CSMD3: variants seen among roughly 807,000 people sequenced by gnomAD.
CSMD3 encodes the protein CUB and sushi domain-containing protein 3.
A neutral mutation model predicts 435.2 loss-of-function variants in CSMD3; 177 were observed. The observed-to-expected ratio is 0.41, with a 90% confidence interval of 0.36 to 0.46. CSMD3 has a LOEUF of 0.46. CSMD3 is among the 20% of genes least tolerant of loss of function. The pLI is 0.34. For synonymous variants in CSMD3, 1,656 were observed against 1,520.5 expected, an observed-to-expected ratio of 1.09 and a Z score of -2.07; for missense variants, 4,265 against 4,504.6, an observed-to-expected ratio of 0.95 and a Z score of 1.52.
intron 4 of CSMD3, among the ~76,000 whole-genome samples, chr8:113,146,684 G>A (rs1009188198): frequency 1.3e-5 from 2 of 151,686 alleles, no homozygotes; most frequent in African/African-American, 4.8e-5. Context: ...GGCTGGAAAA[G>A]AAGATCTGGC....
At chr8:112,456,252 G>T (rs1816832700) in intron 32 of CSMD3, among the ~76,000 whole-genome samples, 2 of 152,044 alleles carry the variant, frequency 1.3e-5, no homozygotes, top group African/African-American at 4.8e-5. Flanking sequence ...TTTCAAACAG[G>T]AAATCCACAG....
chr8:112,372,080 A>T (rs533175012), intron 38 of CSMD3, among the ~76,000 whole-genome samples: 1 of 152,198 alleles, frequency 6.6e-6, no homozygotes, highest in South Asian at 2.1e-4. Flanking sequence ...GGGATAAAAA[A>T]GTTCACAAAT....
chr8:113,253,846 A>AG (rs1441557397), intron 3 of CSMD3, among the ~76,000 whole-genome samples: 1 of 151,638 alleles, frequency 6.6e-6, no homozygotes, highest in East Asian at 1.9e-4. Context: ...TGAAAAAAAA[A>AG]AAAAAAGAAA....
At chr8:113,272,504 T>C (rs940392400) in intron 3 of CSMD3, among the ~76,000 whole-genome samples, 1 of 152,328 alleles carries the variant, frequency 6.6e-6, no homozygotes, top group South Asian at 2.1e-4. Context: ...GCCAGCACCA[T>C]GTAAGAAGTG....
intron 16 of CSMD3, among the ~76,000 whole-genome samples, chr8:112,668,927 G>A (rs918287961): frequency 8.6e-5 from 13 of 150,784 alleles, no homozygotes; most frequent in Admixed American, 8.6e-4. Flanking sequence ...GAGGCTAAAT[G>A]TAGAAAAACA....
chr8:112,588,875 T>C (rs770919659), intron 22 of CSMD3, among the ~76,000 whole-genome samples: 2 of 152,150 alleles, frequency 1.3e-5, no homozygotes, highest in Non-Finnish European at 2.9e-5. Context: ...GGAAATCATT[T>C]ACATTTTAAT....
At chr8:112,246,327 C>G (rs1340327118) in intron 64 of CSMD3, among the ~76,000 whole-genome samples, 1 of 152,156 alleles carries the variant, frequency 6.6e-6, no homozygotes, top group Non-Finnish European at 1.5e-5. Context: ...AGTGTTTCCA[C>G]TCCAGCTTAC....
intron 1 of CSMD3, among the ~76,000 whole-genome samples, chr8:113,364,690 A>G (rs1030852242): frequency 3.9e-5 from 6 of 152,076 alleles, no homozygotes; most frequent in Admixed American, 3.9e-4. Flanking sequence ...TATACATGAG[A>G]TCTAAAATTT....
intron 16 of CSMD3, among the ~76,000 whole-genome samples, chr8:112,676,636 G>T (rs1323872604): frequency 6.6e-6 from 1 of 151,986 alleles, no homozygotes; most frequent in Non-Finnish European, 1.5e-5. Flanking sequence ...ATCTACATGA[G>T]TATAGTTCAG....
intron 27 of CSMD3, among the ~76,000 whole-genome samples, chr8:112,518,112 T>A (rs1823873027): frequency 6.6e-6 from 1 of 152,208 alleles, no homozygotes; most frequent in African/African-American, 2.4e-5. Context: ...ATGACTTGGA[T>A]GAATTTGAAG....
At chr8:113,031,418 G>T (rs1051391425) in intron 5 of CSMD3, among the ~76,000 whole-genome samples, 1 of 151,568 alleles carries the variant, frequency 6.6e-6, no homozygotes, top group African/African-American at 2.4e-5. Context: ...AATCTCAAAA[G>T]TTACAGATTA....
At chr8:113,247,106 A>G (rs1197956052) in intron 3 of CSMD3, among the ~76,000 whole-genome samples, 2 of 152,200 alleles carry the variant, frequency 1.3e-5, no homozygotes, top group Admixed American at 6.5e-5. Flanking sequence ...AAAGTTTCCT[A>G]TGTCTATCTC....
chr8:112,813,978 G>A (rs555426848), intron 12 of CSMD3, among the ~76,000 whole-genome samples: 49 of 152,334 alleles, frequency 3.2e-4, no homozygotes, highest in African/African-American at 1.1e-3. Context: ...GCACAAGCCA[G>A]TTGGAAATGC....
chr8:113,410,295 A>G (rs1351982554), intron 1 of CSMD3, among the ~76,000 whole-genome samples: 1 of 152,178 alleles, frequency 6.6e-6, no homozygotes, highest in Non-Finnish European at 1.5e-5. Flanking sequence ...CTGTGTGTCT[A>G]CCTTTTCTTA....
intron 32 of CSMD3, among the ~76,000 whole-genome samples, chr8:112,433,181 C>T (rs1253173771): frequency 6.6e-6 from 1 of 152,008 alleles, no homozygotes; most frequent in Non-Finnish European, 1.5e-5. Context: ...TAAATGTATA[C>T]AGTAGGCTCA....
intron 15 of CSMD3, among the ~76,000 whole-genome samples, chr8:112,685,137 T>G (rs1192425321): frequency 1.3e-5 from 2 of 152,158 alleles, no homozygotes; most frequent in African/African-American, 4.8e-5. Flanking sequence ...GATATAACAA[T>G]TATAAATATA....
intron 13 of CSMD3, among the ~76,000 whole-genome samples, chr8:112,791,618 G>A (rs944729298): frequency 2.0e-5 from 3 of 151,720 alleles, no homozygotes; most frequent in Non-Finnish European, 2.9e-5. Context: ...CCCAATTTTT[G>A]TTATATACTC....
intron 1 of CSMD3, among the ~76,000 whole-genome samples, chr8:113,392,514 T>G (rs2133160275): frequency 6.6e-6 from 1 of 152,222 alleles, no homozygotes; most frequent in South Asian, 2.1e-4. Flanking sequence ...TATCTTCACT[T>G]TATAGATGGG....
At chr8:112,898,871 G>A (rs1221313725) in intron 10 of CSMD3, among the ~76,000 whole-genome samples, 1 of 151,054 alleles carries the variant, frequency 6.6e-6, no homozygotes, top group African/African-American at 2.4e-5. Flanking sequence ...ACAACACCAA[G>A]GGAAACTGCA....
Sources: gnomAD v4.1 joint callset for allele counts (sites outside exome capture counted in the v4.1 genomes callset) on GRCh38, gnomAD v4.1.1 for gene constraint, MANE v1.5 for transcripts, NCBI Gene and HGNC (gene_info 2026-07-23, HGNC 2026-07-21) for gene names.